Variants in COL22A1 observed in about 807,000 individuals in gnomAD.
COL22A1 encodes collagen alpha-1(XXII) chain.
In COL22A1, 221 loss-of-function variants were observed where a neutral mutation model predicts 248.9. The observed-to-expected ratio is 0.89, with a 90% confidence interval of 0.80 to 0.99. COL22A1 has a LOEUF of 0.99. COL22A1 is among the 50% of genes least tolerant of loss of function. The probability of loss-of-function intolerance (pLI) is 0.00; values close to 1 mark genes in which losing one functional copy is unlikely to be tolerated. For missense variants in COL22A1, 2,240 were observed against 2,179.0 expected (o/e 1.03, Z -0.56); for synonymous variants, 891 against 793.4 (o/e 1.12, Z -2.07).
intron 41 of COL22A1, among the ~76,000 whole-genome samples, chr8:138,671,624 G>T (rs958840015): frequency 6.6e-6 from 1 of 152,186 alleles, no homozygotes; most frequent in African/African-American, 2.4e-5. Context: ...TGTAAACACT[G>T]AATAACACCA....
chr8:138,691,408 T>C (rs1020040027), intron 35 of COL22A1, among the ~76,000 whole-genome samples: 6 of 151,628 alleles, frequency 4.0e-5, no homozygotes, highest in African/African-American at 1.5e-4. Context: ...GGTATGTGTA[T>C]GTGTGCACGT....
intron 13 of COL22A1, among the ~76,000 whole-genome samples, chr8:138,780,625 G>T (rs532712715): frequency 3.3e-5 from 5 of 152,248 alleles, no homozygotes; most frequent in African/African-American, 9.6e-5. Context: ...CCATTGCCTC[G>T]CTGGGGCTAG....
In COL22A1 at chr8:138,748,875, G is replaced by C. The variant is rs577482888; in HGVS notation, c.2085+2583C>G. On this transcript the variant is annotated intron_variant, in intron 22 of 64. Coordinates refer to ENST00000303045, the MANE Select transcript of COL22A1 (RefSeq NM_152888.3). ...GTATCTAAGAAGGTGATATGGTTTG[G>C]CTGTGTCCCCACCCAAATCTCATCT... 9.2e-5 allele frequency among the ~76,000 whole-genome samples: 14 copies of C among 152,316 alleles called. 1 individual carries two copies. The South Asian group carries it at 2.9e-3, about 32-fold the overall frequency.
At chr8:138,689,333 A>T (rs1826636253) in intron 36 of COL22A1, among the ~76,000 whole-genome samples, 10 of 152,178 alleles carry the variant, frequency 6.6e-5, no homozygotes, top group Admixed American at 6.5e-4. Flanking sequence ...GCATTGGGGC[A>T]TCTGCTCCAA....
intron 3 of COL22A1, among the ~76,000 whole-genome samples, chr8:138,868,223 T>A (rs1170956654): frequency 6.6e-6 from 1 of 152,156 alleles, no homozygotes; most frequent in Admixed American, 6.5e-5. Context: ...CAGATTCCAA[T>A]CCCAGGCCTT....
At chr8:138,840,870 C>A (rs1006538969) in intron 4 of COL22A1, among the ~76,000 whole-genome samples, 6 of 152,170 alleles carry the variant, frequency 3.9e-5, no homozygotes, top group Non-Finnish European at 8.8e-5. Context: ...CCTTGGCTTC[C>A]CAAAGCTCTA....
At chr8:138,724,489 C>G in intron 25 of COL22A1, 126 bp downstream of exon 25, 1 of 862,170 alleles carries the variant, frequency 1.2e-6, no homozygotes, top group South Asian at 1.5e-5. Flanking sequence ...GGGCTGCAGG[C>G]CTTGCTGGCC....
At chr8:138,732,636 A>C (rs1830794734) in intron 23 of COL22A1, among the ~76,000 whole-genome samples, 1 of 152,256 alleles carries the variant, frequency 6.6e-6, no homozygotes, top group African/African-American at 2.4e-5. Flanking sequence ...CTAATTATTA[A>C]TGAGTAACAA....
chr8:138,662,346 C>T (rs1824039843), intron 42 of COL22A1, among the ~76,000 whole-genome samples: 1 of 152,060 alleles, frequency 6.6e-6, no homozygotes, highest in South Asian at 2.1e-4. Context: ...GTATAGTTCC[C>T]TTGCTTGAGT....
At chr8:138,670,109 A>G (rs780069075) in intron 41 of COL22A1, among the ~76,000 whole-genome samples, 2 of 150,956 alleles carry the variant, frequency 1.3e-5, no homozygotes, top group Non-Finnish European at 2.9e-5. Context: ...CTGGTCTTGA[A>G]CCCCTGACCT....
At chr8:138,692,058 GCGCACGTT>G (rs1827031030) in intron 35 of COL22A1, among the ~76,000 whole-genome samples, 1 of 141,030 alleles carries the variant, frequency 7.1e-6, no homozygotes. Context: ...GTGTGTGTGC[GCGCACGTT>G]TGTGGAGGTG....
chr8:138,755,101 C>A (rs894677132), intron 21 of COL22A1, 56 bp downstream of exon 21: 2 of 1,553,836 alleles, frequency 1.3e-6, no homozygotes, highest in South Asian at 1.1e-5. Flanking sequence ...ATCTTCCAAA[C>A]CCATTGGTAA....
chr8:138,844,669 G>A (rs911577770), intron 3 of COL22A1, among the ~76,000 whole-genome samples: 10 of 151,932 alleles, frequency 6.6e-5, no homozygotes, highest in Non-Finnish European at 1.5e-4. Context: ...GCATGCACAT[G>A]TCCGGGCGCG....
At chr8:138,704,979 T>C (rs1341511289) in intron 30 of COL22A1, among the ~76,000 whole-genome samples, 5 of 152,120 alleles carry the variant, frequency 3.3e-5, no homozygotes. Context: ...AACTACGTGA[T>C]GCATGCCCAA....
At chr8:138,645,550 T>A (rs183560691) in intron 47 of COL22A1, among the ~76,000 whole-genome samples, 83 of 152,354 alleles carry the variant, frequency 5.4e-4, no homozygotes, top group Non-Finnish European at 1.0e-3. Flanking sequence ...CACTTTGTCA[T>A]TCTTCAGTTG....
intron 1 of COL22A1, among the ~76,000 whole-genome samples, chr8:138,895,392 T>C (rs867118333): frequency 6.6e-6 from 1 of 151,786 alleles, no homozygotes; most frequent in South Asian, 2.1e-4. Flanking sequence ...TAGAAATGCT[T>C]CAATAAACCA....
At chr8:138,725,941 G>A (rs1436435386) in intron 23 of COL22A1, among the ~76,000 whole-genome samples, 3 of 152,218 alleles carry the variant, frequency 2.0e-5, no homozygotes, top group Non-Finnish European at 4.4e-5. Context: ...TAGGTATGGG[G>A]TGAGTGGGTC....
chr8:138,647,231 G>C (rs1822280743), intron 46 of COL22A1, among the ~76,000 whole-genome samples: 1 of 152,320 alleles, frequency 6.6e-6, no homozygotes, highest in Non-Finnish European at 1.5e-5. Flanking sequence ...ACAGCCACAA[G>C]AGTGAACCTG....
rs1401106081 is a variant in COL22A1, at chr8:138,589,292, GGC to G, written c.4840_4841del (p.Ala1614GlnfsTer8). 6.2e-6 allele frequency: 10 copies of G among 1,613,844 alleles called. No individual in the cohort carries two copies. The highest frequency in any genetic ancestry group is 8.5e-6 in the Non-Finnish European group (10 of 1,179,910). On this transcript the variant is annotated frameshift_variant, in exon 65 of 65. Coordinates refer to ENST00000303045, the MANE Select transcript of COL22A1 (RefSeq NM_152888.3). LOFTEE classifies it high-confidence loss of function. ...QCDPSQCAYF[A>X]SLAARPGNVK... ...CATTACCCGGCCGGGCAGCAAGGCTGGCGAAGTAGGCACACTGGGAAGGGTCA... is the reference window on the plus strand; with the variant it reads ...CATTACCCGGCCGGGCAGCAAGGCTGGAAGTAGGCACACTGGGAAGGGTCA...
Sources: allele counts gnomAD v4.1 joint callset (sites outside exome capture counted in the v4.1 genomes callset), GRCh38; gene constraint gnomAD v4.1.1; transcripts MANE v1.5; gene names NCBI Gene and HGNC (gene_info 2026-07-23, HGNC 2026-07-21).